Variants in RBFOX3 observed in about 807,000 individuals in gnomAD.
The protein encoded by RBFOX3 is RNA binding protein fox-1 homolog 3.
Under a neutral mutation model 48.7 loss-of-function variants are expected in RBFOX3, and 17 were observed. The ratio of observed to expected loss-of-function variants is 0.35; its 90% CI spans 0.24 to 0.52. The LOEUF (loss-of-function observed/expected upper bound fraction) is 0.52. Ranked by LOEUF, RBFOX3 falls within the 20% of genes least tolerant of loss-of-function variation. The pLI is 0.94. For synonymous variants in RBFOX3, 212 were observed against 209.5 expected, an observed-to-expected ratio of 1.01 and a Z score of -0.10; for missense variants, 382 against 497.5, an observed-to-expected ratio of 0.77 and a Z score of 2.21.
At chr17:79,600,118 C>G (rs951148333) in intron 1 of RBFOX3, 3 of 152,182 alleles carry the variant, frequency 2.0e-5, no homozygotes, top group African/African-American at 7.2e-5. Flanking sequence ...TGCAGAGGGG[C>G]GTGTGTGTTT....
intron 2 of RBFOX3, among the ~76,000 whole-genome samples, chr17:79,343,877 C>A (rs2082466006): frequency 6.6e-6 from 1 of 152,152 alleles, no homozygotes; most frequent in South Asian, 2.1e-4. Context: ...TTGGACACAG[C>A]CTGCCCGTAT....
intron 3 of RBFOX3, among the ~76,000 whole-genome samples, chr17:79,265,842 C>T (rs72846870): frequency 0.055 from 8,310 of 152,266 alleles, 277 homozygotes; most frequent in Non-Finnish European, 0.069. Context: ...TCGTGTCTAC[C>T]GCCAGCTCCA....
chr17:79,092,696 AAAAAGCAAAAAGAAAAAAAAAAAGG>A (rs2074179876), intron 14 of RBFOX3: 1 of 855,970 alleles, frequency 1.2e-6, no homozygotes, highest in Non-Finnish European at 1.4e-6. Context: ...GGAAGAGGGG[AAAAAGCAAAAAGAAAAAAAAAAAGG>A]AAAAACAAAA....
chr17:79,256,959 CAAAA>C (rs780969866), intron 3 of RBFOX3, among the ~76,000 whole-genome samples: 2 of 130,722 alleles, frequency 1.5e-5, no homozygotes, highest in Admixed American at 1.6e-4. Context: ...AAAAAAAAAA[CAAAA>C]AAAAGAAAAA....
At chr17:79,536,481 A>T (rs2088776270) in intron 1 of RBFOX3, among the ~76,000 whole-genome samples, 2 of 152,230 alleles carry the variant, frequency 1.3e-5, no homozygotes, top group Admixed American at 1.3e-4. Flanking sequence ...AACATCTGTA[A>T]ATCTGCCAGC....
At chr17:79,122,632 C>T (rs750528780) in intron 4 of RBFOX3, among the ~76,000 whole-genome samples, 14 of 152,194 alleles carry the variant, frequency 9.2e-5, no homozygotes, top group East Asian at 1.9e-4. Context: ...ACAACCACTA[C>T]GGAGAACAGT....
intron 3 of RBFOX3, among the ~76,000 whole-genome samples, chr17:79,294,573 T>G (rs933522215): frequency 1.3e-5 from 2 of 152,156 alleles, no homozygotes; most frequent in African/African-American, 4.8e-5. Context: ...CGACTGGGAT[T>G]ATAAGCGTGA....
At chr17:79,590,034 G>T (rs2093371346) in intron 1 of RBFOX3, among the ~76,000 whole-genome samples, 1 of 152,154 alleles carries the variant, frequency 6.6e-6, no homozygotes, top group Non-Finnish European at 1.5e-5. Flanking sequence ...TCCCTGGAGG[G>T]CACTGCAGGG....
intron 4 of RBFOX3, among the ~76,000 whole-genome samples, chr17:79,118,289 A>C (rs2034658352): frequency 6.6e-6 from 1 of 152,146 alleles, no homozygotes. Flanking sequence ...CAAGCTCCTC[A>C]GCCACGGGAG....
intron 2 of RBFOX3, among the ~76,000 whole-genome samples, chr17:79,416,431 C>T (rs1555719081): frequency 6.6e-6 from 1 of 152,226 alleles, no homozygotes; most frequent in Non-Finnish European, 1.5e-5. Flanking sequence ...AAGGATAGCA[C>T]CACAGTCCCC....
chr17:79,369,831 G>A (rs1598410897), intron 2 of RBFOX3, among the ~76,000 whole-genome samples: 1 of 152,164 alleles, frequency 6.6e-6, no homozygotes, highest in African/African-American at 2.4e-5. Flanking sequence ...ACATCTGAGT[G>A]TCTATCCCCT....
intron 1 of RBFOX3, among the ~76,000 whole-genome samples, chr17:79,530,956 G>A (rs1289998156): frequency 2.6e-5 from 4 of 152,238 alleles, no homozygotes; most frequent in Non-Finnish European, 2.9e-5. Flanking sequence ...GTGCCGTGCG[G>A]CAGGAAGGCC....
At chr17:79,540,528 G>A (rs1555789934) in intron 1 of RBFOX3, among the ~76,000 whole-genome samples, 1 of 152,218 alleles carries the variant, frequency 6.6e-6, no homozygotes, top group East Asian at 1.9e-4. Flanking sequence ...CATCCTGGAT[G>A]GTCCTCCCAC....
intron 2 of RBFOX3, among the ~76,000 whole-genome samples, chr17:79,442,360 GGGGAGAGAGAGAGA>G (rs1254386487): frequency 0.25 from 7,792 of 31,384 alleles, 2,308 homozygotes; most frequent in East Asian, 0.41. Context: ...AGGAAGAGGG[GGGGAGAGAGAGAGA>G]GAGAGAGAGA....
intron 5 of RBFOX3, among the ~76,000 whole-genome samples, chr17:79,107,758 G>A (rs181064268): frequency 3.3e-5 from 5 of 152,348 alleles, no homozygotes; most frequent in African/African-American, 9.6e-5. Context: ...TTCCATGGAT[G>A]CAGCCAAACC....
intron 3 of RBFOX3, among the ~76,000 whole-genome samples, chr17:79,289,110 G>C (rs989806680): frequency 1.3e-5 from 2 of 152,124 alleles, no homozygotes; most frequent in Non-Finnish European, 2.9e-5. Context: ...CTAACCTTCT[G>C]CTGCTCCCCA....
rs1053856577 is a variant in RBFOX3, at chr17:79,593,071, T to C, written c.-320+17755A>G. On this transcript the variant is annotated intron_variant, in intron 1 of 14. Transcript: ENST00000693108. The stretch of plus-strand genomic sequence containing the variant: ...AGCCCACACTGGGCTCTTGCCACTC[T>C]CGGGGGACAGAAGTGGGTGGCAGCT... 2.9e-3 allele frequency among the ~76,000 whole-genome samples: 435 copies of C among 152,102 alleles called. 2 individuals carry two copies. Among genetic ancestry groups the C allele is most frequent in the African/African-American group, 9.7e-3 (404 of 41,484 alleles).
chr17:79,319,495 G>A (rs2078084442), intron 2 of RBFOX3, among the ~76,000 whole-genome samples: 1 of 152,204 alleles, frequency 6.6e-6, no homozygotes, highest in Admixed American at 6.5e-5. Flanking sequence ...AGCAGCCTGG[G>A]CAGATTGGTC....
rs991827978 is a variant in RBFOX3 at position 79,195,012 on chromosome 17, T to C, written c.-34+40754A>G. ...TATTGGGCAGCTCTGGTCTAGAACA[T>C]GGGCAGATGTCTTTCCGCTCAGCCC... On this transcript the variant is annotated intron_variant, in intron 4 of 14. Coordinates refer to ENST00000693108, the MANE Select transcript of RBFOX3 (RefSeq NM_001350451.2). This position sits in a 1 kb window ranked among gnomAD's most constrained non-coding sequence, Gnocchi z 5.3. Among the ~76,000 whole-genome samples the C allele has an allele frequency of 6.6e-6, 1 of 152,078 alleles. No individual in the cohort carries two copies. The highest frequency in any genetic ancestry group is 6.6e-5 in the Admixed American group (1 of 15,262).
Sources: gnomAD v4.1 joint callset for allele counts (sites outside exome capture counted in the v4.1 genomes callset) on GRCh38, gnomAD v4.1.1 for gene constraint, Gnocchi (gnomAD v3.1) non-coding constraint, MANE v1.5 for transcripts, NCBI Gene and HGNC (gene_info 2026-07-23, HGNC 2026-07-21) for gene names.